GFM2: variants seen among roughly 807,000 people sequenced by gnomAD.
GFM2 encodes GTP dependent ribosome recycling factor mitochondrial 2, also known as ribosome-releasing factor 2, mitochondrial.
A neutral mutation model predicts 95.4 loss-of-function variants in GFM2; 72 were observed. The observed-to-expected ratio is 0.76, with a 90% confidence interval of 0.62 to 0.92. GFM2 has a LOEUF of 0.92. Among genes scored for constraint, GFM2 ranks in the 40% least tolerant of loss-of-function variants. The pLI, the probability that GFM2 is intolerant of heterozygous loss-of-function variation, is 0.00. For missense variants in GFM2, 825 were observed against 924.1 expected (o/e 0.89, Z 1.39); for synonymous variants, 276 against 317.5 (o/e 0.87, Z 1.39).
rs542482804 is a variant in GFM2 at position 74,730,222 on chromosome 5, A to C, written c.1726+38T>G. 3 of 1,568,950 alleles carry C rather than the reference A, an allele frequency of 1.9e-6. No homozygotes were observed. In the African/African-American group the frequency reaches 4.1e-5, roughly 21 times the overall value. ...ACTAAATAGAGAAAGAAAGACAGAAAGAGAGAAAAAGCAAATCCTAAATGT... is the reference window on the plus strand; with the variant it reads ...ACTAAATAGAGAAAGAAAGACAGAACGAGAGAAAAAGCAAATCCTAAATGT... On this transcript the variant is annotated intron_variant, in intron 17 of 20. Transcript: ENST00000296805.
intron 13 of GFM2, 28 bp from the exon 14 acceptor site, chr5:74,738,445 A>G (rs1345259750): frequency 1.9e-6 from 3 of 1,611,050 alleles, no homozygotes; most frequent in Non-Finnish European, 2.5e-6. Context: ...TATGTTAGTA[A>G]AAGTATTTTT....
chr5:74,732,927 G>GACACACACACACACACACACACAC (rs67360841), intron 16 of GFM2, 95 bp downstream of exon 16: 1 of 385,676 alleles, frequency 2.6e-6, no homozygotes, highest in Non-Finnish European at 4.7e-6. Flanking sequence ...TAATGTTTTA[G>GACACACACACACACACACACACAC]ACACACACAC....
At chr5:74,765,214 A>G in intron 1 of GFM2, 2 of 779,248 alleles carry the variant, frequency 2.6e-6, no homozygotes, top group Non-Finnish European at 3.2e-6. Context: ...TAATTTGCAC[A>G]ACCCAGCCCT....
At chr5:74,735,628 T>G (rs969185134) in intron 15 of GFM2, among the ~76,000 whole-genome samples, 1 of 152,152 alleles carries the variant, frequency 6.6e-6, no homozygotes, top group Non-Finnish European at 1.5e-5. Context: ...TCCAGGCAGG[T>G]TAAGTTCATG....
At chr5:74,756,684 C>CAT (rs1295172999) in intron 5 of GFM2, among the ~76,000 whole-genome samples, 1 of 151,844 alleles carries the variant, frequency 6.6e-6, no homozygotes, top group Non-Finnish European at 1.5e-5. Flanking sequence ...TATACACACA[C>CAT]ATATACACAC....
At position 74,721,206 on chromosome 5, in the gene GFM2, T is replaced by A; in HGVS notation, c.*449A>T. 6.7e-7 allele frequency: 1 copy of A among 1,488,000 alleles called. No homozygotes were observed. Among genetic ancestry groups the A allele is most frequent in the Non-Finnish European group, 9.4e-7 (1 of 1,065,202 alleles). 92.2% of individuals were successfully genotyped at this position (1,488,000 alleles called of 1,614,324 possible). On this transcript the variant is annotated 3_prime_UTR_variant, in exon 21 of 21. Transcript: ENST00000296805. The stretch of plus-strand genomic sequence containing the variant: ...GGAGGGGAAAAAGGCCACAGCAATC[T>A]GTACTACAATCAACTTTATTTTGAA...
intron 2 of GFM2, among the ~76,000 whole-genome samples, 173 bp downstream of exon 2, chr5:74,763,507 A>C (rs956139251): frequency 6.6e-6 from 1 of 152,226 alleles, no homozygotes; most frequent in African/African-American, 2.4e-5. Context: ...ATTTCCTCTT[A>C]TATTTCTTAA....
chr5:74,747,549 G>T, intron 8 of GFM2, 143 bp downstream of exon 8: 1 of 530,114 alleles, frequency 1.9e-6, no homozygotes, highest in Non-Finnish European at 3.4e-6. Flanking sequence ...TTTTTTATGG[G>T]AATAAACTGG....
chr5:74,733,307 A>G lies in GFM2; in HGVS notation c.1511-209T>C, dbSNP rs536359839. On this transcript the variant is annotated intron_variant, in intron 15 of 20. Coordinates refer to ENST00000296805, the MANE Select transcript of GFM2 (RefSeq NM_032380.5). ...GGAGTTTGCGACCAGCCTGGGCAAC[A>G]TGGCGAAACCCCGTCTTTACAAAAA... The G allele has an allele frequency of 1.6e-3, 636 of 397,704 alleles. 3 individuals carry two copies. Among genetic ancestry groups the G allele is most frequent in the Non-Finnish European group, 2.4e-3 (525 of 221,616 alleles). 24.6% of individuals were successfully genotyped at this position (397,704 alleles called of 1,614,324 possible).
chr5:74,739,501 TCAGG>T (rs1374348490), intron 12 of GFM2, among the ~76,000 whole-genome samples: 8 of 152,120 alleles, frequency 5.3e-5, no homozygotes, highest in African/African-American at 1.9e-4. Flanking sequence ...GTTATTAATG[TCAGG>T]ATTAAGATAA....
intron 17 of GFM2, among the ~76,000 whole-genome samples, chr5:74,726,789 T>C (rs750393519): frequency 6.6e-6 from 1 of 152,182 alleles, no homozygotes; most frequent in Non-Finnish European, 1.5e-5. Flanking sequence ...TGGCCCAAAT[T>C]CAAAACTAAG....
chr5:74,721,265 A>C lies in GFM2; in HGVS notation c.*390T>G. 9.4e-7 allele frequency: 1 copy of C among 1,068,574 alleles called. No individual in the cohort carries two copies. Among genetic ancestry groups the C allele is most frequent in the Non-Finnish European group, 1.4e-6 (1 of 692,672 alleles). The allele number at this position is 1,068,574 out of a possible 1,614,324, so 66.2% of individuals were successfully genotyped here. On this transcript the variant is annotated 3_prime_UTR_variant, in exon 21 of 21. Coordinates refer to ENST00000296805, the MANE Select transcript of GFM2 (RefSeq NM_032380.5). ...AAATAAGATATTAGACTGTTTTTTG[A>C]ATAAAATATTTTTATTGATTGAACC... is the stretch of plus-strand genomic sequence containing the variant.
In GFM2 at chr5:74,741,610, C is replaced by G; in HGVS notation, c.850-1G>C. On this transcript the variant is annotated splice_acceptor_variant, in intron 10 of 20. Coordinates refer to ENST00000296805, the MANE Select transcript of GFM2 (RefSeq NM_032380.5). LOFTEE classifies it high-confidence loss of function. ...CAAATTCATCATCCAAATCTGCAAC[C>G]TATAAAGAAAGGTTTTAGAGTTCTA... 1 of 1,548,658 alleles carries G rather than the reference C, an allele frequency of 6.5e-7. No homozygotes were observed. The highest frequency in any genetic ancestry group is 1.2e-5 in the South Asian group (1 of 86,294).
chr5:74,741,482 A>G (rs776623723), intron 11 of GFM2, 47 bp downstream of exon 11: 8 of 882,844 alleles, frequency 9.1e-6, no homozygotes, highest in Middle Eastern at 4.3e-4. Flanking sequence ...ATCAAACTAC[A>G]TCCAATTAGT....
At position 74,721,476 on chromosome 5, in the gene GFM2, ATAAAT is replaced by A. The variant is rs764229245; in HGVS notation, c.*174_*178del. 16 of 734,594 alleles carry A rather than the reference ATAAAT, an allele frequency of 2.2e-5. No individual in the cohort carries two copies. Among genetic ancestry groups the A allele is most frequent in the South Asian group, 1.3e-4 (8 of 62,374 alleles). 45.5% of individuals were successfully genotyped at this position (734,594 alleles called of 1,614,324 possible). On this transcript the variant is annotated 3_prime_UTR_variant, in exon 21 of 21. Coordinates refer to ENST00000296805, the MANE Select transcript of GFM2 (RefSeq NM_032380.5). ...AACATCAAAGCACATTTCTCATTAT[ATAAAT>A]TAAAACGGGTGGCTCCAGTGCCACT...
chr5:74,760,478 A>G (rs2112363028), intron 3 of GFM2, among the ~76,000 whole-genome samples: 1 of 152,342 alleles, frequency 6.6e-6, no homozygotes, highest in African/African-American at 2.4e-5. Context: ...GATGCCATGT[A>G]TCTAACCTAA....
intron 19 of GFM2, 137 bp downstream of exon 19, chr5:74,725,503 A>G: frequency 3.7e-6 from 2 of 539,732 alleles, no homozygotes; most frequent in Non-Finnish European, 6.6e-6. Flanking sequence ...TCTCCATGAT[A>G]AGAACTCTTG....
chr5:74,722,180 G>A, intron 20 of GFM2, 199 bp downstream of exon 20: 1 of 580,978 alleles, frequency 1.7e-6, no homozygotes, highest in Non-Finnish European at 3.0e-6. Context: ...ATACCCCCTT[G>A]TAGTGCTATA....
At chr5:74,756,643 A>G (rs912191471) in intron 5 of GFM2, among the ~76,000 whole-genome samples, 1 of 149,670 alleles carries the variant, frequency 6.7e-6, no homozygotes, top group African/African-American at 2.5e-5. Flanking sequence ...TTACATTCCC[A>G]CTAACAGTGT....
Sources: allele counts gnomAD v4.1 joint callset (sites outside exome capture counted in the v4.1 genomes callset), GRCh38; gene constraint gnomAD v4.1.1; transcripts MANE v1.5; gene names NCBI Gene and HGNC (gene_info 2026-07-23, HGNC 2026-07-21).